ZPBP: variants seen among roughly 807,000 people sequenced by gnomAD.
ZPBP encodes zona pellucida binding protein.
In ZPBP, 26 loss-of-function variants were observed where a neutral mutation model predicts 44.8. The ratio of observed to expected loss-of-function variants is 0.58; its 90% CI spans 0.43 to 0.81. The LOEUF is 0.81. Ranked by LOEUF, ZPBP falls within the 30% of genes least tolerant of loss-of-function variation. ZPBP has a pLI of 0.00. For missense variants in ZPBP, 409 were observed against 434.0 expected, an observed-to-expected ratio of 0.94 and a Z score of 0.51; for synonymous variants, 174 against 153.2, an observed-to-expected ratio of 1.14 and a Z score of -1.00.
chr7:49,904,435 G>A (rs1275278849), intron 1 of ZPBP, among the ~76,000 whole-genome samples: 1 of 152,128 alleles, frequency 6.6e-6, no homozygotes, highest in African/African-American at 2.4e-5. Flanking sequence ...AAAGTAGTAT[G>A]TTTTTAAAAA....
intron 1 of ZPBP, chr7:49,912,093 G>A (rs770578022): frequency 5.0e-6 from 8 of 1,614,062 alleles, no homozygotes; most frequent in Non-Finnish European, 6.8e-6. Flanking sequence ...GAAGACTGAC[G>A]AGTGCACCAT....
chr7:50,086,743 T>C (rs1308286619), intron 2 of ZPBP, among the ~76,000 whole-genome samples: 2 of 151,610 alleles, frequency 1.3e-5, no homozygotes, highest in African/African-American at 2.4e-5. Context: ...ATAATCAGAG[T>C]CCTGAAGGAG....
intron 3 of ZPBP, among the ~76,000 whole-genome samples, chr7:50,059,941 C>G (rs1801162486): frequency 6.6e-6 from 1 of 152,036 alleles, no homozygotes; most frequent in Non-Finnish European, 1.5e-5. Flanking sequence ...ATCAAGAAGA[C>G]TAGCACACTC....
chr7:50,002,316 T>C (rs1047117657), intron 6 of ZPBP, among the ~76,000 whole-genome samples: 2 of 152,090 alleles, frequency 1.3e-5, no homozygotes, highest in Non-Finnish European at 2.9e-5. Context: ...GCCCCCATGA[T>C]CCAATTATCT....
chr7:49,922,420 C>T (rs1049088235), intron 1 of ZPBP, among the ~76,000 whole-genome samples: 12 of 152,062 alleles, frequency 7.9e-5, no homozygotes, highest in Non-Finnish European at 1.2e-4. Flanking sequence ...CTTAAGGCTA[C>T]GAACTTCCCA....
intron 4 of ZPBP, among the ~76,000 whole-genome samples, chr7:50,035,733 G>A (rs753762194): frequency 3.7e-4 from 56 of 151,982 alleles, no homozygotes; most frequent in Non-Finnish European, 6.9e-4. Flanking sequence ...TAGATTAAAA[G>A]AGCAATAAAA....
chr7:49,912,227 T>A (rs778422694), intron 1 of ZPBP: 34 of 1,609,662 alleles, frequency 2.1e-5, no homozygotes, highest in Non-Finnish European at 1.2e-5. Context: ...CTAGAACATT[T>A]TACTGATGTG....
intron 1 of ZPBP, among the ~76,000 whole-genome samples, chr7:49,928,960 CA>C (rs978942486): frequency 1.3e-5 from 2 of 152,192 alleles, no homozygotes; most frequent in African/African-American, 4.8e-5. Flanking sequence ...AGAGTCCACA[CA>C]ACACCTTTAT....
rs780536238 is a variant in ZPBP at position 50,081,889 on chromosome 7, A to G, written c.219T>C (p.Tyr73=). 5.0e-6 allele frequency: 8 copies of G among 1,610,784 alleles called. No homozygotes were observed. Among genetic ancestry groups the G allele is most frequent in the Admixed American group, 1.7e-5 (1 of 59,748 alleles). ...VGSTSFPVKA[Y]VMLHQKSPHV... ...GTGGACTCTTTTGATGGAGCATGACATACGCTTTCACTGAAAATACAATAT... is the reference window on the plus strand; with the variant it reads ...GTGGACTCTTTTGATGGAGCATGACGTACGCTTTCACTGAAAATACAATAT... The change falls in exon 3 of 8, where the codon TAT becomes TAC. Residue 73 remains tyrosine (Y), a synonymous_variant. Transcript: ENST00000046087.
At chr7:49,858,965 T>A (rs1322662319) in intron 2 of ZPBP, among the ~76,000 whole-genome samples, 1 of 152,226 alleles carries the variant, frequency 6.6e-6, no homozygotes, top group Non-Finnish European at 1.5e-5. Flanking sequence ...TTTATCAGAA[T>A]ATGTCAGGAT....
At chr7:49,858,946 C>T (rs945711727) in intron 2 of ZPBP, among the ~76,000 whole-genome samples, 11 of 152,074 alleles carry the variant, frequency 7.2e-5, no homozygotes, top group African/African-American at 2.4e-4. Flanking sequence ...ATTTCATGGC[C>T]CCACAGAGTT....
intron 2 of ZPBP, among the ~76,000 whole-genome samples, chr7:49,875,307 T>C (rs1308614510): frequency 8.4e-6 from 1 of 119,616 alleles, no homozygotes; most frequent in Non-Finnish European, 1.6e-5. Context: ...GAGATGGAGG[T>C]TGCAGTGAGC....
chr7:49,891,718 T>C (rs1026216316), intron 2 of ZPBP, among the ~76,000 whole-genome samples: 23 of 152,350 alleles, frequency 1.5e-4, no homozygotes, highest in Non-Finnish European at 8.8e-5. Flanking sequence ...TGCTTTCTGC[T>C]ACAGCTGAAA....
intron 2 of ZPBP, among the ~76,000 whole-genome samples, chr7:49,876,650 T>C (rs1276065950): frequency 2.0e-5 from 3 of 152,144 alleles, no homozygotes; most frequent in Non-Finnish European, 2.9e-5. Context: ...TGCCTTGTTG[T>C]TTTTTAGAAG....
intron 1 of ZPBP, chr7:49,916,195 C>A (rs1291528611): frequency 2.0e-5 from 3 of 151,924 alleles, no homozygotes; most frequent in Non-Finnish European, 4.4e-5. Context: ...CAACTGAATT[C>A]TTTGAGGATC....
At chr7:49,996,464 A>G (rs911528304) in intron 6 of ZPBP, among the ~76,000 whole-genome samples, 1 of 152,224 alleles carries the variant, frequency 6.6e-6, no homozygotes, top group Admixed American at 6.5e-5. Flanking sequence ...AGTCAAGTCC[A>G]TAAGTCCCTG....
chr7:50,034,682 G>A (rs948517518), intron 4 of ZPBP, among the ~76,000 whole-genome samples: 12 of 151,332 alleles, frequency 7.9e-5, no homozygotes, highest in African/African-American at 2.9e-4. Flanking sequence ...ACCATCTCCT[G>A]AAATCAGGCT....
At chr7:49,959,288 T>C (rs940822914) in intron 7 of ZPBP, among the ~76,000 whole-genome samples, 1 of 144,288 alleles carries the variant, frequency 6.9e-6, no homozygotes, top group Non-Finnish European at 1.5e-5. Flanking sequence ...GGCACAAACA[T>C]CAGAAATAAA....
At position 50,058,161 on chromosome 7, in the gene ZPBP, T is replaced by C; in HGVS notation, c.335-20A>G. On this transcript the variant is annotated intron_variant, in intron 3 of 7. Coordinates refer to ENST00000046087, the MANE Select transcript of ZPBP (RefSeq NM_007009.3). ...TTTCTACTAAAGGAATAAGATACAG[T>C]TACGAGTTGCTTAAATTACATGAGA... 1 of 1,613,008 alleles carries C rather than the reference T, an allele frequency of 6.2e-7. No individual in the cohort carries two copies. Among genetic ancestry groups the C allele is most frequent in the Non-Finnish European group, 8.5e-7 (1 of 1,179,386 alleles).
Sources: gnomAD v4.1 joint callset for allele counts (sites outside exome capture counted in the v4.1 genomes callset) on GRCh38, gnomAD v4.1.1 for gene constraint, MANE v1.5 for transcripts, NCBI Gene and HGNC (gene_info 2026-07-23, HGNC 2026-07-21) for gene names.